Variants in STK33 observed in about 807,000 individuals in gnomAD.
STK33 encodes the protein serine/threonine-protein kinase 33.
In STK33, 52 loss-of-function variants were observed where a neutral mutation model predicts 58.0. The ratio of observed to expected loss-of-function variants is 0.90; its 90% CI spans 0.72 to 1.13. STK33 has a LOEUF of 1.13. STK33 is among the 50% of genes most tolerant of loss of function. STK33 has a pLI of 0.00. For missense variants in STK33, 630 were observed against 604.2 expected, an observed-to-expected ratio of 1.04 and a Z score of -0.45; for synonymous variants, 215 against 200.1, an observed-to-expected ratio of 1.07 and a Z score of -0.63.
At chr11:8,562,211 ATTAG>A (rs965903151) in intron 1 of STK33, among the ~76,000 whole-genome samples, 7 of 152,172 alleles carry the variant, frequency 4.6e-5, no homozygotes, top group Non-Finnish European at 1.0e-4. Flanking sequence ...TTGCTAATTT[ATTAG>A]TTATTCATTT....
chr11:8,432,734 A>G lies in STK33; in HGVS notation c.1146+2760T>C, dbSNP rs1054858738. Among the ~76,000 whole-genome samples, 9 of 152,322 alleles carry G rather than the reference A, an allele frequency of 5.9e-5. 1 individual carries two copies. In the East Asian group the frequency reaches 1.7e-3, roughly 29 times the overall value. On this transcript the variant is annotated intron_variant, in intron 14 of 15. Transcript: ENST00000687296. Reference sequence around the variant, plus strand: ...TACATATTTTCTTTAGATTACTTCAAACAGGGGATATGAATCATAGAAAGT... The same window carrying G: ...TACATATTTTCTTTAGATTACTTCAGACAGGGGATATGAATCATAGAAAGT...
intron 14 of STK33, among the ~76,000 whole-genome samples, chr11:8,432,455 G>A (rs1943537504): frequency 6.6e-6 from 1 of 152,170 alleles, no homozygotes; most frequent in African/African-American, 2.4e-5. Context: ...CATTTATTGG[G>A]TATTTTTCCT....
intron 15 of STK33, among the ~76,000 whole-genome samples, chr11:8,402,903 G>A (rs142222628): frequency 0.012 from 1,884 of 152,292 alleles, 38 homozygotes; most frequent in African/African-American, 0.042. Context: ...CATAGCTGGA[G>A]GGATTCCTCA....
At chr11:8,339,421 T>C in the STK33 span, among the ~76,000 whole-genome samples, 1 of 152,360 alleles carries the variant, frequency 6.6e-6, no homozygotes, top group Admixed American at 6.5e-5. Flanking sequence ...TTGGTAAATT[T>C]ATTTTGAAGT....
chr11:8,362,389 G>A, the STK33 span, among the ~76,000 whole-genome samples: 7 of 152,124 alleles, frequency 4.6e-5, no homozygotes, highest in South Asian at 2.1e-4. Context: ...TGCCATGGTC[G>A]CTCATTCGGA....
chr11:8,585,177 C>CA (rs1374417440), intron 1 of STK33, among the ~76,000 whole-genome samples: 1 of 148,188 alleles, frequency 6.7e-6, no homozygotes, highest in Non-Finnish European at 1.5e-5. Context: ...CCTGCCGTGG[C>CA]CTTCCAAAAT....
chr11:8,436,001 G>T, intron 13 of STK33, 26 bp downstream of exon 13: 1 of 1,340,586 alleles, frequency 7.5e-7, no homozygotes, highest in Non-Finnish European at 1.0e-6. Flanking sequence ...ATTAGCTTTA[G>T]TAAATAATAA....
the STK33 span, among the ~76,000 whole-genome samples, chr11:8,337,638 C>CTGGGGGGGGG: frequency 2.0e-4 from 1 of 4,882 alleles, no homozygotes; most frequent in Non-Finnish European, 4.0e-4. Flanking sequence ...TTGACGACGG[C>CTGGGGGGGGG]GGGGGGCGGG....
At chr11:8,465,035 A>G in intron 6 of STK33, 1 of 344,896 alleles carries the variant, frequency 2.9e-6, no homozygotes, top group Non-Finnish European at 5.2e-6. Flanking sequence ...TGTCCTTTGG[A>G]GGAAAACCAT....
chr11:8,357,754 T>C, the STK33 span, among the ~76,000 whole-genome samples: 1 of 152,072 alleles, frequency 6.6e-6, no homozygotes, highest in African/African-American at 2.4e-5. Context: ...ATTGCAGCCT[T>C]CAGGTGCACC....
the STK33 span, among the ~76,000 whole-genome samples, chr11:8,354,501 CA>C: frequency 0.022 from 3,339 of 151,054 alleles, 57 homozygotes; most frequent in South Asian, 0.043. Flanking sequence ...CACACACACA[CA>C]CACACACACA....
intron 1 of STK33, among the ~76,000 whole-genome samples, chr11:8,500,702 A>T (rs1161377242): frequency 6.6e-6 from 1 of 152,210 alleles, no homozygotes. Context: ...GTTCATATGA[A>T]AATGAAAGGA....
At chr11:8,396,544 C>T (rs1178500231) in intron 15 of STK33, among the ~76,000 whole-genome samples, 8 of 152,192 alleles carry the variant, frequency 5.3e-5, no homozygotes, top group Admixed American at 1.3e-4. Flanking sequence ...CAGCTCCCAG[C>T]GTGAGTGACG....
chr11:8,516,084 A>G (rs761282812), intron 1 of STK33, among the ~76,000 whole-genome samples: 47 of 152,230 alleles, frequency 3.1e-4, no homozygotes, highest in Non-Finnish European at 4.9e-4. Context: ...TGCAACCACA[A>G]AAGACCACAA....
chr11:8,422,818 T>G (rs1942122731), intron 14 of STK33, among the ~76,000 whole-genome samples: 1 of 151,980 alleles, frequency 6.6e-6, no homozygotes. Context: ...TGTAAGATTT[T>G]TTTTCTCTCT....
chr11:8,493,716 G>A (rs977548187), intron 1 of STK33, among the ~76,000 whole-genome samples: 3 of 152,118 alleles, frequency 2.0e-5, no homozygotes, highest in Admixed American at 6.6e-5. Context: ...CTGGCAAACT[G>A]AATCCAGCAG....
chr11:8,561,210 C>G (rs1280825711), intron 1 of STK33, among the ~76,000 whole-genome samples: 3 of 152,146 alleles, frequency 2.0e-5, no homozygotes, highest in Non-Finnish European at 2.9e-5. Context: ...TAATTTTACT[C>G]ATGAGGCATT....
At chr11:8,341,989 G>A in the STK33 span, among the ~76,000 whole-genome samples, 7 of 152,214 alleles carry the variant, frequency 4.6e-5, no homozygotes, top group Admixed American at 1.3e-4. Flanking sequence ...GCCAAGCAAG[G>A]AGAATGGGGC....
chr11:8,400,054 G>A (rs1048846588), intron 15 of STK33, among the ~76,000 whole-genome samples: 2 of 152,190 alleles, frequency 1.3e-5, no homozygotes, highest in Non-Finnish European at 2.9e-5. Flanking sequence ...AGAGGAGCTG[G>A]TACCATTCCT....
Sources: gnomAD v4.1 joint callset for allele counts (sites outside exome capture counted in the v4.1 genomes callset) on GRCh38, gnomAD v4.1.1 for gene constraint, MANE v1.5 for transcripts, NCBI Gene and HGNC (gene_info 2026-07-23, HGNC 2026-07-21) for gene names.